AKAP13: variants seen among roughly 807,000 people sequenced by gnomAD.
AKAP13 encodes the protein A-kinase anchor protein 13.
AKAP13 carries 80 observed loss-of-function variants against 264.5 expected under a neutral mutation model. The observed-to-expected ratio is 0.30, with a 90% CI of 0.25 to 0.36. The LOEUF (loss-of-function observed/expected upper bound fraction) is 0.36, where lower values mean the gene tolerates loss of function less well. Ranked by LOEUF, AKAP13 falls within the 10% of genes least tolerant of loss-of-function variation. The pLI is 1.00. For synonymous variants in AKAP13, 1,380 were observed against 1,250.2 expected (o/e 1.10, Z -2.19); for missense variants, 3,712 against 3,435.2 (o/e 1.08, Z -2.01).
rs759872615 is a variant in AKAP13 at position 85,655,521 on chromosome 15, C to G, written c.4479C>G (p.Leu1493=). 3.7e-6 allele frequency: 6 copies of G among 1,614,216 alleles called. No homozygotes were observed. The South Asian group carries it at 6.6e-5, about 18-fold the overall frequency. Residue 1493 remains leucine (L), a synonymous_variant, in exon 11 of 37, where the codon CTC becomes CTG. Coordinates refer to ENST00000394518, the MANE Select transcript of AKAP13 (RefSeq NM_007200.5). ...RHSSHGSDVS[L]SQILKPNRSR... is the part of the protein sequence containing the mutation. ...CTTCTCATGGCAGTGATGTGTCTCT[C>G]TCCCAGATTTTAAAGCCAAACAGGT... is the stretch of plus-strand genomic sequence containing the variant.
At position 85,741,222 on chromosome 15, in the gene AKAP13, CGAG is replaced by C; in HGVS notation, c.7789_7791del (p.Glu2597del). ...TGCAGAAGCAGCAGGCCCAGTACCT[CGAG>C]GAGAAGCGCAGGCGCGAGCGTGAGT... is the stretch of plus-strand genomic sequence containing the variant. On this transcript the variant is annotated inframe_deletion, in exon 35 of 37. Coordinates refer to ENST00000394518, the MANE Select transcript of AKAP13 (RefSeq NM_007200.5). 6.2e-7 allele frequency: 1 copy of C among 1,609,066 alleles called. No homozygotes were observed.
chr15:85,542,260 C>G (rs1471270426), intron 4 of AKAP13, among the ~76,000 whole-genome samples: 1 of 152,178 alleles, frequency 6.6e-6, no homozygotes, highest in Non-Finnish European at 1.5e-5. Context: ...CATAATCTTT[C>G]CAGCCATGTG....
At chr15:85,742,255 G>C (rs973754731) in intron 35 of AKAP13, among the ~76,000 whole-genome samples, 13 of 152,228 alleles carry the variant, frequency 8.5e-5, no homozygotes, top group Non-Finnish European at 1.5e-4. Flanking sequence ...CAGCCATCCA[G>C]GATTTTAGGA....
intron 17 of AKAP13, among the ~76,000 whole-genome samples, chr15:85,702,985 CAG>C (rs1326861287): frequency 2.6e-5 from 4 of 152,162 alleles, no homozygotes; most frequent in African/African-American, 9.7e-5. Flanking sequence ...TTGCTTTAAA[CAG>C]ATGTAAAATG....
rs556512913 is a variant in AKAP13 at position 85,407,290 on chromosome 15, C to T, written c.-12+26492C>T. ...TCACCCAGGCTGGAATGCAGTGGTG[C>T]GATCTGGGCTCACTGCAACCTCCGC... On this transcript the variant is annotated intron_variant, in intron 1 of 36. Transcript: ENST00000394518. 5.3e-4 allele frequency among the ~76,000 whole-genome samples: 77 copies of T among 145,652 alleles called. 2 individuals are homozygous for T. Among genetic ancestry groups the T allele is most frequent in the African/African-American group, 2.0e-3 (76 of 38,572 alleles).
intron 2 of AKAP13, among the ~76,000 whole-genome samples, chr15:85,486,174 C>CA (rs2075535775): frequency 6.6e-6 from 1 of 152,140 alleles, no homozygotes; most frequent in South Asian, 2.1e-4. Context: ...CTTTAGGACT[C>CA]ATCTCCCTAA....
rs1418286960 is a variant in AKAP13 at position 85,579,865 on chromosome 15, T to C, written c.1797T>C (p.Asp599=). 4 of 1,614,234 alleles carry C rather than the reference T, an allele frequency of 2.5e-6. No individual in the cohort carries two copies. The highest frequency in any genetic ancestry group is 3.4e-6 in the Non-Finnish European group (4 of 1,180,044). The change falls in exon 7 of 37, where the codon GAT becomes GAC. Residue 599 remains aspartate, a synonymous_variant. Coordinates refer to ENST00000394518, the MANE Select transcript of AKAP13 (RefSeq NM_007200.5). ...IPAAAKDKIS[D]GLEPYTLLAA... Reference sequence around the variant, plus strand: ...CTGCTGCAAAAGACAAGATTTCAGATGGATTAGAACCTTATACTCTCTTAG... The same window carrying C: ...CTGCTGCAAAAGACAAGATTTCAGACGGATTAGAACCTTATACTCTCTTAG...
Position 85,722,212 on chromosome 15 carries a change from C to A in AKAP13, c.6379-18C>A, listed in dbSNP as rs200907212. On this transcript the variant is annotated intron_variant, in intron 24 of 36. Coordinates refer to ENST00000394518, the MANE Select transcript of AKAP13 (RefSeq NM_007200.5). ...CCTTTTTCATGTGATTCCTCACAGT[C>A]TGTTTACTCCCTTGCAGAAGAAGAT... is the stretch of plus-strand genomic sequence containing the variant. 1.0e-4 allele frequency: 164 copies of A among 1,609,606 alleles called. No homozygotes were observed. The highest frequency in any genetic ancestry group is 9.9e-4 in the Middle Eastern group (6 of 6,048).
At chr15:85,462,838 A>C (rs1460576159) in intron 1 of AKAP13, among the ~76,000 whole-genome samples, 1 of 151,302 alleles carries the variant, frequency 6.6e-6, no homozygotes, top group African/African-American at 2.4e-5. Context: ...TCCCGGCTAA[A>C]ATGATGAAAC....
At chr15:85,393,213 T>C (rs1259977405) in intron 1 of AKAP13, among the ~76,000 whole-genome samples, 2 of 152,168 alleles carry the variant, frequency 1.3e-5, no homozygotes, top group East Asian at 1.9e-4. Flanking sequence ...GTACACAGAG[T>C]GTACATCCTC....
At chr15:85,524,263 C>T (rs953229951) in intron 3 of AKAP13, among the ~76,000 whole-genome samples, 1 of 144,628 alleles carries the variant, frequency 6.9e-6, no homozygotes, top group African/African-American at 2.6e-5. Flanking sequence ...CTGCAACCTC[C>T]ATCTCCTGGG....
intron 17 of AKAP13, among the ~76,000 whole-genome samples, chr15:85,697,047 G>A (rs1449023672): frequency 1.3e-5 from 2 of 152,142 alleles, no homozygotes; most frequent in African/African-American, 4.8e-5. Context: ...TTCACAAGAG[G>A]TTACATGAAA....
intron 8 of AKAP13, among the ~76,000 whole-genome samples, chr15:85,625,297 A>G (rs55978950): frequency 0.019 from 2,873 of 152,198 alleles, 43 homozygotes; most frequent in Non-Finnish European, 0.029. Context: ...AATCATCTTC[A>G]TTTTTCTCTT....
intron 1 of AKAP13, among the ~76,000 whole-genome samples, chr15:85,452,219 GTT>G (rs36006368): frequency 5.8e-4 from 81 of 140,714 alleles, no homozygotes; most frequent in Admixed American, 5.6e-4. Flanking sequence ...ATCCCTTAGG[GTT>G]TTTTTTTTTT....
At chr15:85,594,404 G>A (rs1252975051) in intron 8 of AKAP13, among the ~76,000 whole-genome samples, 1 of 152,156 alleles carries the variant, frequency 6.6e-6, no homozygotes, top group Non-Finnish European at 1.5e-5. Context: ...AAACATATAG[G>A]TGCTTGTGAA....
chr15:85,664,895 A>G, intron 13 of AKAP13, 140 bp downstream of exon 13: 1 of 791,092 alleles, frequency 1.3e-6, no homozygotes, highest in East Asian at 2.8e-5. Context: ...CACTAAACCA[A>G]GTGTTTAGCA....
chr15:85,735,779 C>G, intron 32 of AKAP13, 149 bp downstream of exon 32: 1 of 888,878 alleles, frequency 1.1e-6, no homozygotes, highest in Non-Finnish European at 1.7e-6. Context: ...ATTTTTAAAA[C>G]AAATAGTACA....
At chr15:85,602,714 TC>T (rs2080144441) in intron 8 of AKAP13, among the ~76,000 whole-genome samples, 1 of 152,046 alleles carries the variant, frequency 6.6e-6, no homozygotes, top group African/African-American at 2.4e-5. Flanking sequence ...GGTCTTGAAC[TC>T]CTGACCTAGT....
intron 8 of AKAP13, among the ~76,000 whole-genome samples, chr15:85,606,022 T>C (rs2080306901): frequency 6.6e-6 from 1 of 151,950 alleles, no homozygotes; most frequent in Non-Finnish European, 1.5e-5. Context: ...GTCAGATATT[T>C]GTGGTTTATT....
Sources: allele counts gnomAD v4.1 joint callset (sites outside exome capture counted in the v4.1 genomes callset), GRCh38; gene constraint gnomAD v4.1.1; transcripts MANE v1.5; gene names NCBI Gene and HGNC (gene_info 2026-07-23, HGNC 2026-07-21).